The following ZEB1 variants were observed in gnomAD, a reference collection of about 807,000 sequenced individuals.
ZEB1 encodes zinc finger E-box-binding homeobox 1.
A neutral mutation model predicts 84.9 loss-of-function variants in ZEB1; 21 were observed. The observed-to-expected ratio is 0.25, with a 90% CI of 0.18 to 0.36. The LOEUF (loss-of-function observed/expected upper bound fraction) is 0.36, where lower values mean the gene tolerates loss of function less well. Ranked by LOEUF, ZEB1 falls within the 10% of genes least tolerant of loss-of-function variation. The pLI is 1.00. For synonymous variants in ZEB1, 420 were observed against 471.1 expected (o/e 0.89, Z 1.41); for missense variants, 1,104 against 1,330.2 (o/e 0.83, Z 2.65).
Position 31,528,183 on chromosome 10 carries a change from T to G in ZEB1, c.*919T>G, listed in dbSNP as rs1366517013. 2 of 152,350 alleles carry G rather than the reference T, an allele frequency of 1.3e-5. No homozygotes were observed. The highest frequency in any genetic ancestry group is 3.9e-4 in the East Asian group (2 of 5,190). The allele number at this position is 152,350 out of a possible 1,614,324, so 9.4% of individuals were successfully genotyped here. On this transcript the variant is annotated 3_prime_UTR_variant, in exon 9 of 9. Coordinates refer to ENST00000424869, the MANE Select transcript of ZEB1 (RefSeq NM_001174096.2). ...GTATTTTCAAGGCTCTAACCCGCCTTCATCCAATGTGTGGCCTACAATAAC... is the reference window on the plus strand; with the variant it reads ...GTATTTTCAAGGCTCTAACCCGCCTGCATCCAATGTGTGGCCTACAATAAC...
In ZEB1 at chr10:31,365,825, C is replaced by T. The variant is rs1300238318; in HGVS notation, c.58+46533C>T. Among the ~76,000 whole-genome samples, 5 of 152,290 alleles carry T rather than the reference C, an allele frequency of 3.3e-5. 1 individual carries two copies. Among genetic ancestry groups the T allele is most frequent in the Admixed American group, 2.6e-4 (4 of 15,298 alleles). Reference sequence around the variant, plus strand: ...TTGTTGGCCAGGCCAAATTTGTGAACATTTTACATGATCAGCTATATCGAA... The same window carrying T: ...TTGTTGGCCAGGCCAAATTTGTGAATATTTTACATGATCAGCTATATCGAA... On this transcript the variant is annotated intron_variant, in intron 1 of 8. Coordinates refer to ENST00000424869, the MANE Select transcript of ZEB1 (RefSeq NM_001174096.2).
At chr10:31,387,915 C>A in intron 1 of ZEB1, 1 of 234,804 alleles carries the variant, frequency 4.3e-6, no homozygotes, top group Non-Finnish European at 7.0e-6. Context: ...TTCCTGTCTT[C>A]AGGAAATGAA....
chr10:31,374,027 T>C (rs185512258), intron 1 of ZEB1, among the ~76,000 whole-genome samples: 4 of 151,890 alleles, frequency 2.6e-5, no homozygotes, highest in Admixed American at 6.6e-5. Context: ...GGAGGTAGGA[T>C]CTTAGCAAGT....
intron 1 of ZEB1, chr10:31,358,482 TAAA>T (rs1478188696): frequency 6.6e-6 from 1 of 152,118 alleles, no homozygotes; most frequent in Non-Finnish European, 1.5e-5. Context: ...GTCTGTAGAG[TAAA>T]CTATGCAGGC....
chr10:31,456,108 G>A (rs2061185349), intron 1 of ZEB1, among the ~76,000 whole-genome samples: 1 of 152,118 alleles, frequency 6.6e-6, no homozygotes, highest in Non-Finnish European at 1.5e-5. Flanking sequence ...TCCTTTGCAG[G>A]GACATGGATG....
chr10:31,373,663 C>T (rs1299501284), intron 1 of ZEB1, among the ~76,000 whole-genome samples: 1 of 151,588 alleles, frequency 6.6e-6, no homozygotes, highest in Non-Finnish European at 1.5e-5. Context: ...ATGACAAAAT[C>T]CATTTAGTTT....
At chr10:31,330,063 A>G (rs1296577287) in intron 1 of ZEB1, among the ~76,000 whole-genome samples, 1 of 152,088 alleles carries the variant, frequency 6.6e-6, no homozygotes, top group East Asian at 1.9e-4. Context: ...TTAATTCATA[A>G]TTTTATTCAT....
At chr10:31,495,949 T>C (rs968028553) in intron 3 of ZEB1, 111 bp downstream of exon 3, 5 of 1,160,124 alleles carry the variant, frequency 4.3e-6, no homozygotes, top group Middle Eastern at 1.9e-4. Context: ...TCTTTTATCT[T>C]ACCTTCCTTA....
chr10:31,435,271 A>C (rs1325766456), intron 1 of ZEB1, among the ~76,000 whole-genome samples: 1 of 152,234 alleles, frequency 6.6e-6, no homozygotes, highest in African/African-American at 2.4e-5. Flanking sequence ...TCTCCCCTAG[A>C]GTCTCCAGAA....
At chr10:31,361,016 C>T in intron 1 of ZEB1, 2 of 1,609,610 alleles carry the variant, frequency 1.2e-6, no homozygotes, top group South Asian at 1.1e-5. Context: ...TACAAGGCTC[C>T]TGCTTACCAT....
intron 4 of ZEB1, among the ~76,000 whole-genome samples, chr10:31,503,228 AG>A (rs997396396): frequency 6.6e-6 from 1 of 152,118 alleles, no homozygotes; most frequent in African/African-American, 2.4e-5. Context: ...AACCTTTTAA[AG>A]TTTGTCAGGT....
chr10:31,370,634 G>A (rs995235119), intron 1 of ZEB1, among the ~76,000 whole-genome samples: 7 of 152,018 alleles, frequency 4.6e-5, no homozygotes, highest in Non-Finnish European at 7.4e-5. Context: ...TGCAATTTCC[G>A]GAGCTAATGA....
intron 1 of ZEB1, 34 bp from the exon 2 acceptor site, chr10:31,461,003 G>T (rs780385908): frequency 9.7e-6 from 15 of 1,538,998 alleles, no homozygotes; most frequent in Non-Finnish European, 1.2e-5. Flanking sequence ...TTTACTAGTT[G>T]GTTTTGATTA....
At chr10:31,519,989 C>G in intron 6 of ZEB1, 137 bp from the exon 7 acceptor site, 1 of 1,177,972 alleles carries the variant, frequency 8.5e-7, no homozygotes. Flanking sequence ...AAAGTTTATT[C>G]TAAATACAGT....
intron 1 of ZEB1, among the ~76,000 whole-genome samples, chr10:31,341,692 G>T (rs562348143): frequency 6.0e-4 from 92 of 152,232 alleles, no homozygotes; most frequent in Middle Eastern, 6.8e-3. Context: ...GAGAAAAAAA[G>T]GTCAGAAGAC....
chr10:31,411,235 A>G (rs921799229), intron 1 of ZEB1, among the ~76,000 whole-genome samples: 3 of 152,214 alleles, frequency 2.0e-5, no homozygotes, highest in Non-Finnish European at 4.4e-5. Flanking sequence ...AACTGCATGG[A>G]AACTGAACAA....
At chr10:31,381,348 T>A (rs1403703564) in intron 1 of ZEB1, among the ~76,000 whole-genome samples, 1 of 152,146 alleles carries the variant, frequency 6.6e-6, no homozygotes, top group African/African-American at 2.4e-5. Context: ...TGGGAAAATA[T>A]CCCATTCAGA....
intron 1 of ZEB1, among the ~76,000 whole-genome samples, chr10:31,397,927 G>A (rs566607114): frequency 1.4e-4 from 21 of 152,136 alleles, no homozygotes; most frequent in Middle Eastern, 3.4e-3. Flanking sequence ...TTTGAAGTTG[G>A]GAGTATATTT....
At chr10:31,421,616 GA>G (rs201210871) in intron 1 of ZEB1, among the ~76,000 whole-genome samples, 2 of 149,282 alleles carry the variant, frequency 1.3e-5, no homozygotes, top group African/African-American at 4.9e-5. Context: ...CCCAGCTTAG[GA>G]AAAAAAAAGC....
Sources: allele counts gnomAD v4.1 joint callset (sites outside exome capture counted in the v4.1 genomes callset), GRCh38; gene constraint gnomAD v4.1.1; transcripts MANE v1.5; gene names NCBI Gene and HGNC (gene_info 2026-07-23, HGNC 2026-07-21).